Variants in PAH observed in about 807,000 individuals in gnomAD.
The protein encoded by PAH is phenylalanine hydroxylase, also known as phenylalanine-4-hydroxylase.
In PAH, 64 loss-of-function variants were observed where a neutral mutation model predicts 62.0. That is an observed-to-expected ratio of 1.03 (90% CI 0.84 to 1.27). The LOEUF (loss-of-function observed/expected upper bound fraction) is 1.27. PAH is among the 50% of genes most tolerant of loss of function. The pLI is 0.00. For synonymous variants in PAH, 195 were observed against 196.2 expected (o/e 0.99, Z 0.05); for missense variants, 579 against 542.8 (o/e 1.07, Z -0.66).
intron 3 of PAH, among the ~76,000 whole-genome samples, chr12:102,884,926 A>G (rs998837425): frequency 1.3e-5 from 2 of 152,222 alleles, no homozygotes; most frequent in African/African-American, 4.8e-5. Flanking sequence ...ATTGCTGTTC[A>G]CTGATGAGCA....
intron 3 of PAH, among the ~76,000 whole-genome samples, chr12:102,893,875 T>C (rs1447027530): frequency 6.6e-6 from 1 of 152,208 alleles, no homozygotes; most frequent in African/African-American, 2.4e-5. Flanking sequence ...AGCACCTGTG[T>C]ACCAAGCAGT....
chr12:102,886,067 CTCTTT>C (rs1409094078), intron 3 of PAH: 2 of 152,250 alleles, frequency 1.3e-5, no homozygotes, highest in African/African-American at 2.4e-5. Flanking sequence ...TTTTATTCTT[CTCTTT>C]TAAGTAGCTT....
chr12:102,916,843 G>C (rs1252152319), intron 1 of PAH, among the ~76,000 whole-genome samples: 2 of 152,162 alleles, frequency 1.3e-5, no homozygotes, highest in African/African-American at 4.8e-5. Flanking sequence ...ACCCCCTAAA[G>C]CAATGGTCAT....
At chr12:102,856,748 T>A (rs1240850007) in intron 5 of PAH, among the ~76,000 whole-genome samples, 1 of 152,150 alleles carries the variant, frequency 6.6e-6, no homozygotes, top group Non-Finnish European at 1.5e-5. Flanking sequence ...TCCAGCCAAC[T>A]CCAACAGATC....
intron 2 of PAH, among the ~76,000 whole-genome samples, chr12:102,897,481 ATATATATATAT>A (rs1877558584): frequency 1.4e-5 from 2 of 146,554 alleles, no homozygotes; most frequent in African/African-American, 5.1e-5. Context: ...ATATATATAT[ATATATATATAT>A]AATTCAAACT....
At chr12:102,868,383 A>C (rs1876156749) in intron 4 of PAH, among the ~76,000 whole-genome samples, 1 of 151,908 alleles carries the variant, frequency 6.6e-6, no homozygotes. Flanking sequence ...ATTTTGAAAA[A>C]TAGAAACATC....
chr12:102,890,066 T>C (rs1877211702), intron 3 of PAH, among the ~76,000 whole-genome samples: 1 of 152,242 alleles, frequency 6.6e-6, no homozygotes, highest in South Asian at 2.1e-4. Flanking sequence ...TTCTTTACCA[T>C]GTCGCTGTAA....
intron 1 of PAH, among the ~76,000 whole-genome samples, chr12:102,956,787 T>C (rs1169158555): frequency 6.6e-6 from 1 of 151,784 alleles, no homozygotes; most frequent in East Asian, 1.9e-4. Context: ...GTCCCTGCCA[T>C]ATACACCCAC....
rs1438154022 is a variant in PAH at position 102,837,552 on chromosome 12, A to G, written c.*1623T>C. On this transcript the variant is annotated 3_prime_UTR_variant, in exon 13 of 13. Transcript: ENST00000553106. ...GGCATAAAATTCCAACTTCAAAACAATGAAACTTCAGACACATTCAGTAAA... is the reference window on the plus strand; with the variant it reads ...GGCATAAAATTCCAACTTCAAAACAGTGAAACTTCAGACACATTCAGTAAA... The G allele has an allele frequency of 6.6e-6, 1 of 152,246 alleles. No homozygotes were observed. Among genetic ancestry groups the G allele is most frequent in the Admixed American group, 6.5e-5 (1 of 15,278 alleles). 9.4% of individuals were successfully genotyped at this position (152,246 alleles called of 1,614,324 possible).
intron 8 of PAH, among the ~76,000 whole-genome samples, chr12:102,849,019 AG>A (rs1875027319): frequency 6.6e-6 from 1 of 152,132 alleles, no homozygotes. Flanking sequence ...TGGAGACTGG[AG>A]GGGTCCAGGG....
rs936490552 is a variant in PAH at position 102,957,086 on chromosome 12, T to C, written c.-96+1109A>G. 9.9e-5 allele frequency among the ~76,000 whole-genome samples: 15 copies of C among 151,992 alleles called. No homozygotes were observed. Among genetic ancestry groups the C allele is most frequent in the African/African-American group, 3.6e-4 (15 of 41,368 alleles). Reference sequence around the variant, plus strand: ...CCCCAACCATGTTTCTAAACTTCAATCGTAATTTGCTCCAATTTCTAGGGT... The same window carrying C: ...CCCCAACCATGTTTCTAAACTTCAACCGTAATTTGCTCCAATTTCTAGGGT... On this transcript the variant is annotated intron_variant, in intron 1 of 4. Transcript: ENST00000551337. This position sits in a 1 kb window ranked among gnomAD's most constrained non-coding sequence, Gnocchi z 4.1.
intron 2 of PAH, among the ~76,000 whole-genome samples, chr12:102,904,275 T>G (rs558312326): frequency 4.9e-4 from 74 of 152,324 alleles, no homozygotes; most frequent in Non-Finnish European, 7.8e-4. Context: ...TGGTATATCC[T>G]TAACCCCAAT....
At chr12:102,845,875 A>G (rs1374759150) in intron 9 of PAH, among the ~76,000 whole-genome samples, 1 of 152,168 alleles carries the variant, frequency 6.6e-6, no homozygotes, top group African/African-American at 2.4e-5. Context: ...AATTTTTTAG[A>G]AAAGTCGCAT....
chr12:102,893,986 T>C (rs543386879), intron 3 of PAH, among the ~76,000 whole-genome samples: 17 of 152,222 alleles, frequency 1.1e-4, no homozygotes, highest in African/African-American at 3.6e-4. Flanking sequence ...AAAATGACAA[T>C]GAAAGCCCTA....
In PAH at chr12:102,838,934, A is replaced by T. The variant is rs559828549; in HGVS notation, c.*241T>A. On this transcript the variant is annotated 3_prime_UTR_variant, in exon 13 of 13. Coordinates refer to ENST00000553106, the MANE Select transcript of PAH (RefSeq NM_000277.3). ...TTACTGATTTAACTCAATTGAGAGT[A>T]TGGGATTATCATCTCTAAATCAAAG... 1.8e-6 allele frequency: 1 copy of T among 561,166 alleles called. No individual in the cohort carries two copies. The highest frequency in any genetic ancestry group is 2.2e-5 in the South Asian group (1 of 46,310). 34.8% of individuals were successfully genotyped at this position (561,166 alleles called of 1,614,324 possible).
intron 7 of PAH, 99 bp downstream of exon 7, chr12:102,852,716 C>T (rs1875209934): frequency 2.1e-6 from 3 of 1,458,672 alleles, no homozygotes; most frequent in Admixed American, 3.3e-5. Context: ...ACAACTAGTC[C>T]TGTGGACCAG....
At chr12:102,908,597 T>C (rs1336073913) in intron 2 of PAH, among the ~76,000 whole-genome samples, 1 of 152,158 alleles carries the variant, frequency 6.6e-6, no homozygotes, top group Non-Finnish European at 1.5e-5. Context: ...TTTTGATTTA[T>C]GAAAAAATAG....
intron 8 of PAH, among the ~76,000 whole-genome samples, chr12:102,850,270 G>A (rs1875086157): frequency 6.6e-6 from 1 of 152,158 alleles, no homozygotes; most frequent in Non-Finnish European, 1.5e-5. Flanking sequence ...AACGATCTTT[G>A]AACTCCATAA....
At chr12:102,919,765 C>T (rs1399172578), upstream of PAH, among the ~76,000 whole-genome samples, 2 of 152,158 alleles carry the variant, frequency 1.3e-5, no homozygotes, top group Admixed American at 1.3e-4. Context: ...CATGTTATTG[C>T]AAATAACAGG....
Sources: allele counts gnomAD v4.1 joint callset (sites outside exome capture counted in the v4.1 genomes callset), GRCh38; gene constraint gnomAD v4.1.1; non-coding constraint Gnocchi (gnomAD v3.1); transcripts MANE v1.5; gene names NCBI Gene and HGNC (gene_info 2026-07-23, HGNC 2026-07-21).